The following DSCAM variants were observed in gnomAD, a reference collection of about 807,000 sequenced individuals.
The protein encoded by DSCAM is DS cell adhesion molecule, also known as cell adhesion molecule DSCAM.
In DSCAM, 47 loss-of-function variants were observed where a neutral mutation model predicts 217.7. That is an observed-to-expected ratio of 0.22 (90% confidence interval 0.17 to 0.28). DSCAM has a LOEUF of 0.28. Among genes scored for constraint, DSCAM ranks in the 10% least tolerant of loss-of-function variants. DSCAM has a pLI of 1.00. For synonymous variants in DSCAM, 1,056 were observed against 1,015.3 expected, an observed-to-expected ratio of 1.04 and a Z score of -0.76; for missense variants, 2,080 against 2,618.3, an observed-to-expected ratio of 0.79 and a Z score of 4.49.
At chr21:40,484,628 G>T (rs995508419) in intron 3 of DSCAM, among the ~76,000 whole-genome samples, 5 of 151,822 alleles carry the variant, frequency 3.3e-5, no homozygotes, top group African/African-American at 9.7e-5. Flanking sequence ...TTCATGGGTG[G>T]TTTTTTTTCC....
chr21:40,563,228 T>C (rs1200749446), intron 3 of DSCAM, among the ~76,000 whole-genome samples: 2 of 152,128 alleles, frequency 1.3e-5, no homozygotes, highest in Non-Finnish European at 2.9e-5. Context: ...CTGAAAGTCA[T>C]GCAACTGGTT....
chr21:40,031,887 T>C (rs2088531928), intron 32 of DSCAM, among the ~76,000 whole-genome samples: 1 of 152,186 alleles, frequency 6.6e-6, no homozygotes, highest in Admixed American at 6.5e-5. Context: ...TTCCTGCTGC[T>C]CTCACAGTAG....
At chr21:40,178,311 T>C (rs1319452881) in intron 15 of DSCAM, among the ~76,000 whole-genome samples, 1 of 152,200 alleles carries the variant, frequency 6.6e-6, no homozygotes. Context: ...TCACTGCCTG[T>C]TCCTGGGTTA....
chr21:40,080,363 A>G (rs2089437882), intron 24 of DSCAM, 23 bp from the exon 25 acceptor site: 1 of 1,542,026 alleles, frequency 6.5e-7, no homozygotes, highest in South Asian at 1.2e-5. Context: ...AGAAAGATTC[A>G]CATGAGCACT....
At chr21:40,480,787 T>C (rs557379198) in intron 3 of DSCAM, among the ~76,000 whole-genome samples, 5 of 152,302 alleles carry the variant, frequency 3.3e-5, no homozygotes, top group Admixed American at 2.6e-4. Flanking sequence ...CACTGACACT[T>C]TGAATTTCAC....
rs868832511 is a variant in DSCAM, at chr21:40,187,377, C to G, written c.2651-118G>C. 5.5e-5 allele frequency: 72 copies of G among 1,313,982 alleles called. 1 individual carries two copies. The Middle Eastern group carries it at 3.3e-3, about 61-fold the overall frequency. 81.4% of individuals were successfully genotyped at this position (1,313,982 alleles called of 1,614,324 possible). Reference sequence around the variant, plus strand: ...TGTCTGCATTAGACAAGAACAGAAGCTTTTTATTTGGAAGCATTTTCTTTT... The same window carrying G: ...TGTCTGCATTAGACAAGAACAGAAGGTTTTTATTTGGAAGCATTTTCTTTT... On this transcript the variant is annotated intron_variant, in intron 13 of 32. Coordinates refer to ENST00000400454, the MANE Select transcript of DSCAM (RefSeq NM_001389.5).
rs372697287 is a variant in DSCAM, at chr21:40,150,173, T to C, written c.3019-5442A>G. The stretch of plus-strand genomic sequence containing the variant: ...AAAAGGTCAAATATGTTAAAACAAC[T>C]ATCTCAAGGCAAGTACAGGGTAGGA... On this transcript the variant is annotated intron_variant, in intron 16 of 32. Coordinates refer to ENST00000400454, the MANE Select transcript of DSCAM (RefSeq NM_001389.5). Among the ~76,000 whole-genome samples, 3 of 152,358 alleles carry C rather than the reference T, an allele frequency of 2.0e-5. No homozygotes were observed. The South Asian group carries it at 6.2e-4, about 32-fold the overall frequency.
chr21:40,653,459 G>T (rs2090038744), intron 3 of DSCAM, among the ~76,000 whole-genome samples: 1 of 152,122 alleles, frequency 6.6e-6, no homozygotes, highest in Non-Finnish European at 1.5e-5. Context: ...TTTGTGGAGA[G>T]GCTTTATATT....
chr21:40,037,565 T>G (rs200880202), intron 32 of DSCAM, among the ~76,000 whole-genome samples: 3 of 147,650 alleles, frequency 2.0e-5, no homozygotes, highest in African/African-American at 8.0e-5. Context: ...TAGGAAGAAT[T>G]AATATCGTGA....
At chr21:40,649,558 T>C (rs1275683690) in intron 3 of DSCAM, among the ~76,000 whole-genome samples, 1 of 152,246 alleles carries the variant, frequency 6.6e-6, no homozygotes, top group Non-Finnish European at 1.5e-5. Flanking sequence ...CGCCTCTTTA[T>C]GTGCTCTGAC....
At chr21:40,843,705 G>T (rs1289793660) in intron 1 of DSCAM, among the ~76,000 whole-genome samples, 1 of 151,400 alleles carries the variant, frequency 6.6e-6, no homozygotes, top group Non-Finnish European at 1.5e-5. Context: ...CAAATTGACT[G>T]CTTTAAAACA....
chr21:40,226,778 C>T (rs1415108654), intron 11 of DSCAM, among the ~76,000 whole-genome samples: 10 of 152,094 alleles, frequency 6.6e-5, no homozygotes, highest in Admixed American at 6.6e-4. Context: ...TTCAGGGGTA[C>T]AAGTGCACAT....
intron 3 of DSCAM, among the ~76,000 whole-genome samples, chr21:40,511,149 G>T (rs774513910): frequency 6.6e-5 from 10 of 152,058 alleles, no homozygotes; most frequent in Non-Finnish European, 1.5e-4. Flanking sequence ...TCTCTTCATG[G>T]TATGTTGCTT....
chr21:40,048,356 A>AGACG (rs35761695), intron 30 of DSCAM, among the ~76,000 whole-genome samples: 2 of 151,996 alleles, frequency 1.3e-5, no homozygotes, highest in African/African-American at 4.8e-5. Context: ...TGTGTCAGAC[A>AGACG]CTGTGGCTGG....
At chr21:40,317,380 C>T (rs758925640) in intron 8 of DSCAM, among the ~76,000 whole-genome samples, 1 of 152,212 alleles carries the variant, frequency 6.6e-6, no homozygotes, top group Non-Finnish European at 1.5e-5. Context: ...GAATTTATCA[C>T]ATTGATGACT....
chr21:40,347,658 A>G lies in DSCAM; in HGVS notation c.1210+12T>C. The G allele has an allele frequency of 6.2e-7, 1 of 1,612,976 alleles. No homozygotes were observed. Among genetic ancestry groups the G allele is most frequent in the South Asian group, 1.1e-5 (1 of 91,042 alleles). ...TCTTTTTCAGCCATACCCTGAAACGAGGCCCACTGACCTTCAAGGACCACC... is the reference window on the plus strand; with the variant it reads ...TCTTTTTCAGCCATACCCTGAAACGGGGCCCACTGACCTTCAAGGACCACC... On this transcript the variant is annotated intron_variant, in intron 6 of 32. Transcript: ENST00000400454.
At chr21:40,802,383 T>C (rs1224226305) in intron 1 of DSCAM, among the ~76,000 whole-genome samples, 1 of 152,186 alleles carries the variant, frequency 6.6e-6, no homozygotes, top group Non-Finnish European at 1.5e-5. Context: ...GACTGTGGAC[T>C]TTCGACTTCC....
intron 8 of DSCAM, among the ~76,000 whole-genome samples, chr21:40,321,853 C>T (rs2074263376): frequency 6.6e-6 from 1 of 152,114 alleles, no homozygotes; most frequent in African/African-American, 2.4e-5. Flanking sequence ...CTGCACCTGA[C>T]CCACCTCTGT....
intron 1 of DSCAM, among the ~76,000 whole-genome samples, chr21:40,771,731 A>G (rs1325837499): frequency 6.6e-6 from 1 of 152,228 alleles, no homozygotes; most frequent in Non-Finnish European, 1.5e-5. Flanking sequence ...TACTTTAGGT[A>G]AAACTCTGAA....
Sources: allele counts gnomAD v4.1 joint callset (sites outside exome capture counted in the v4.1 genomes callset), GRCh38; gene constraint gnomAD v4.1.1; transcripts MANE v1.5; gene names NCBI Gene and HGNC (gene_info 2026-07-23, HGNC 2026-07-21).